The following KCNQ1 variants were observed in gnomAD, a reference collection of about 807,000 sequenced individuals.
The protein encoded by KCNQ1 is potassium voltage-gated channel subfamily KQT member 1.
In KCNQ1, 49 loss-of-function variants were observed where a neutral mutation model predicts 72.4. The observed-to-expected ratio is 0.68, with a 90% CI of 0.54 to 0.86. The LOEUF is 0.86. KCNQ1 is among the 40% of genes least tolerant of loss of function. The pLI, the probability that KCNQ1 is intolerant of heterozygous loss-of-function variation, is 0.00. For synonymous variants in KCNQ1, 450 were observed against 412.6 expected (o/e 1.09, Z -1.10); for missense variants, 790 against 945.1 (o/e 0.84, Z 2.15).
intron 10 of KCNQ1, chr11:2,660,176 G>A: frequency 2.5e-6 from 1 of 397,882 alleles, no homozygotes; most frequent in East Asian, 3.6e-5. Flanking sequence ...ATGGTTTTAT[G>A]TTTTATTTTA....
intron 2 of KCNQ1, among the ~76,000 whole-genome samples, chr11:2,548,056 G>T (rs200671776): frequency 6.6e-6 from 1 of 152,112 alleles, no homozygotes; most frequent in South Asian, 2.1e-4. Flanking sequence ...TTAGGGTTTC[G>T]CTCTGCATGA....
At position 2,497,250 on chromosome 11, in the gene KCNQ1, T is replaced by G. The variant is rs1011853154; in HGVS notation, c.387-30678T>G. Among the ~76,000 whole-genome samples, 2 of 152,218 alleles carry G rather than the reference T, an allele frequency of 1.3e-5. No homozygotes were observed. Among genetic ancestry groups the G allele is most frequent in the African/African-American group, 4.8e-5 (2 of 41,464 alleles). ...GGGGAAGTTCTCCTGGATAATATCC[T>G]GAAGTGTGTTTTCCAACTTGGTTCC... is the stretch of plus-strand genomic sequence containing the variant. On this transcript the variant is annotated intron_variant, in intron 1 of 15. Coordinates refer to ENST00000155840, the MANE Select transcript of KCNQ1 (RefSeq NM_000218.3). The surrounding 1 kb of genome is among the most constrained non-coding windows in gnomAD (Gnocchi z 4.5).
chr11:2,609,651 C>G (rs1186047853), intron 10 of KCNQ1: 3 of 398,164 alleles, frequency 7.5e-6, no homozygotes, highest in Non-Finnish European at 8.9e-6. Context: ...GTTGAATTGG[C>G]TATTTCTCTG....
At position 2,750,633 on chromosome 11, in the gene KCNQ1, CCATGT is replaced by C. The variant is rs770991423; in HGVS notation, c.1515-18207_1515-18203del. 1.7e-4 allele frequency among the ~76,000 whole-genome samples: 26 copies of C among 152,310 alleles called. No individual in the cohort carries two copies. Among genetic ancestry groups the C allele is most frequent in the Non-Finnish European group, 1.0e-4 (7 of 68,014 alleles). On this transcript the variant is annotated intron_variant, in intron 11 of 15. Coordinates refer to ENST00000155840, the MANE Select transcript of KCNQ1 (RefSeq NM_000218.3). This position sits in a 1 kb window ranked among gnomAD's most constrained non-coding sequence, Gnocchi z 6.3. ...TTCTAGACGAAGACCAGTAAGAAGC[CCATGT>C]CATTCTTCTGAGACATTAGGGGTTT... is the stretch of plus-strand genomic sequence containing the variant.
rs1327391704 is a variant in KCNQ1 at position 2,654,762 on chromosome 11, G to T, written c.1394-7199G>T. ...GAGGGGTCTGGGGCTCGATGAGAAG[G>T]CAGAGGAAGTGAGACCAGAATTTCT... On this transcript the variant is annotated intron_variant, in intron 10 of 15. Transcript: ENST00000155840. This position sits in a 1 kb window ranked among gnomAD's most constrained non-coding sequence, Gnocchi z 6.4. The T allele has an allele frequency of 5.3e-5, 21 of 398,716 alleles. No individual in the cohort carries two copies. In the Admixed American group the frequency reaches 9.2e-4, roughly 18 times the overall value. 24.7% of individuals were successfully genotyped at this position (398,716 alleles called of 1,614,324 possible).
intron 11 of KCNQ1, among the ~76,000 whole-genome samples, chr11:2,756,981 A>AAAAAAAAAAAAAAAAAAAAAAAAC (rs58902386): frequency 1.7e-5 from 2 of 115,178 alleles, no homozygotes; most frequent in African/African-American, 3.2e-5. Flanking sequence ...AAAAAAAAAA[A>AAAAAAAAAAAAAAAAAAAAAAAAC]CCCACAGCTA....
In KCNQ1 at chr11:2,785,440, G is replaced by GA. The variant is rs527416148; in HGVS notation, c.1794+7413dup. The stretch of plus-strand genomic sequence containing the variant: ...TTCAACCTAGGAAAGCTGATTGAAA[G>GA]AAAAAAAAAAGAATGTACTTTATAT... On this transcript the variant is annotated intron_variant, in intron 15 of 15. Coordinates refer to ENST00000155840, the MANE Select transcript of KCNQ1 (RefSeq NM_000218.3). This position sits in a 1 kb window ranked among gnomAD's most constrained non-coding sequence, Gnocchi z 4.4. Among the ~76,000 whole-genome samples the GA allele has an allele frequency of 5.2e-3, 760 of 146,430 alleles. 8 individuals carry two copies. The highest frequency in any genetic ancestry group is 0.017 in the African/African-American group (693 of 40,134).
chr11:2,835,600 G>T (rs1848046470), intron 15 of KCNQ1, among the ~76,000 whole-genome samples: 1 of 152,200 alleles, frequency 6.6e-6, no homozygotes, highest in Non-Finnish European at 1.5e-5. Flanking sequence ...CCAAGGAGCT[G>T]ACCCCCTGCC....
At position 2,547,715 on chromosome 11, in the gene KCNQ1, C is replaced by T. The variant is rs1847918766; in HGVS notation, c.477+19697C>T. 6.6e-6 allele frequency among the ~76,000 whole-genome samples: 1 copy of T among 152,212 alleles called. No homozygotes were observed. The highest frequency in any genetic ancestry group is 2.1e-4 in the South Asian group (1 of 4,830). On this transcript the variant is annotated intron_variant, in intron 2 of 15. Coordinates refer to ENST00000155840, the MANE Select transcript of KCNQ1 (RefSeq NM_000218.3). The surrounding 1 kb of genome is among the most constrained non-coding windows in gnomAD (Gnocchi z 4.2). ...CATTTCCATCTTTTATAAGTTCAGA[C>T]CCCCACAACCTTGGGTGGACTACTG...
At chr11:2,662,466 G>A (rs549567599) in intron 11 of KCNQ1, 42 of 461,826 alleles carry the variant, frequency 9.1e-5, no homozygotes, top group Middle Eastern at 5.6e-4. Context: ...GGCAGATGCC[G>A]GGTGCAGTCT....
At chr11:2,802,484 A>G (rs1303625708) in intron 15 of KCNQ1, among the ~76,000 whole-genome samples, 8 of 152,162 alleles carry the variant, frequency 5.3e-5, no homozygotes. Flanking sequence ...AGCCCCCTGG[A>G]GACTCCAGGA....
intron 11 of KCNQ1, chr11:2,699,417 C>T (rs1159662939): frequency 5.0e-6 from 2 of 398,306 alleles, no homozygotes; most frequent in Non-Finnish European, 8.8e-6. Context: ...TGGGGAGGGC[C>T]GCGCTGAGGA....
At chr11:2,705,417 C>T (rs544905018) in intron 11 of KCNQ1, among the ~76,000 whole-genome samples, 13 of 152,306 alleles carry the variant, frequency 8.5e-5, no homozygotes, top group South Asian at 6.2e-4. Context: ...CACTTCGACG[C>T]GGGTTAACTC....
In KCNQ1 at chr11:2,768,796, C is replaced by A; in HGVS notation, c.1515-48C>A. 6.8e-7 allele frequency: 1 copy of A among 1,460,798 alleles called. No homozygotes were observed. Among genetic ancestry groups the A allele is most frequent in the South Asian group, 1.1e-5 (1 of 88,038 alleles). The allele number at this position is 1,460,798 out of a possible 1,614,324, so 90.5% of individuals were successfully genotyped here. ...CAGTGCAGGGGCAGTGAGGGGATGACCAGCACAGGGTGGCCACTCACAATC... is the reference window on the plus strand; with the variant it reads ...CAGTGCAGGGGCAGTGAGGGGATGAACAGCACAGGGTGGCCACTCACAATC... On this transcript the variant is annotated intron_variant, in intron 11 of 15. Transcript: ENST00000155840. The surrounding 1 kb of genome is among the most constrained non-coding windows in gnomAD (Gnocchi z 6.7).
rs1014642193 is a variant in KCNQ1, at chr11:2,703,870, T to A, written c.1514+41789T>A. ...AGACCCAGCCAGGTTCCCAAGTTGC[T>A]GCTTCCCTCGGAAGCTGAGAGGCCC... On this transcript the variant is annotated intron_variant, in intron 11 of 15. Coordinates refer to ENST00000155840, the MANE Select transcript of KCNQ1 (RefSeq NM_000218.3). The surrounding 1 kb of genome is among the most constrained non-coding windows in gnomAD (Gnocchi z 6.4). Among the ~76,000 whole-genome samples the A allele has an allele frequency of 6.6e-6, 1 of 152,210 alleles. No individual in the cohort carries two copies. The highest frequency in any genetic ancestry group is 3.2e-3 in the Middle Eastern group (1 of 316).
At chr11:2,771,103 G>A (rs779804796) in intron 12 of KCNQ1, among the ~76,000 whole-genome samples, 3 of 152,248 alleles carry the variant, frequency 2.0e-5, no homozygotes, top group Non-Finnish European at 2.9e-5. Context: ...GTCCCAGCAG[G>A]GCAGAGCCAG....
chr11:2,650,489 T>C, intron 10 of KCNQ1: 1 of 398,602 alleles, frequency 2.5e-6, no homozygotes, highest in African/African-American at 2.1e-5. Flanking sequence ...TGCAGAAGTG[T>C]GGTGTCTCTA....
intron 10 of KCNQ1, chr11:2,641,849 T>C: frequency 2.5e-6 from 1 of 398,432 alleles, no homozygotes; most frequent in East Asian, 3.6e-5. Flanking sequence ...ATTTTTCACA[T>C]GGATATCTTA....
chr11:2,786,234 C>A (rs1024799477), intron 15 of KCNQ1, among the ~76,000 whole-genome samples: 13 of 152,026 alleles, frequency 8.6e-5, no homozygotes, highest in Non-Finnish European at 1.8e-4. Flanking sequence ...TATCAAAATT[C>A]TTTTTTCTTA....
Sources: gnomAD v4.1 joint callset for allele counts (sites outside exome capture counted in the v4.1 genomes callset) on GRCh38, gnomAD v4.1.1 for gene constraint, Gnocchi (gnomAD v3.1) non-coding constraint, MANE v1.5 for transcripts, NCBI Gene and HGNC (gene_info 2026-07-23, HGNC 2026-07-21) for gene names.